FILIP1: variants seen among roughly 807,000 people sequenced by gnomAD.
The protein encoded by FILIP1 is filamin A interacting protein 1.
A neutral mutation model predicts 102.1 loss-of-function variants in FILIP1; 61 were observed. That is an observed-to-expected ratio of 0.60 (90% confidence interval 0.49 to 0.74). The LOEUF is 0.74. Among genes scored for constraint, FILIP1 ranks in the 30% least tolerant of loss-of-function variants. FILIP1 has a pLI of 0.00. For missense variants in FILIP1, 1,314 were observed against 1,441.2 expected (o/e 0.91, Z 1.43); for synonymous variants, 491 against 526.9 (o/e 0.93, Z 0.93).
intron 1 of FILIP1, among the ~76,000 whole-genome samples, chr6:75,427,418 T>C (rs532668184): frequency 6.6e-6 from 1 of 152,286 alleles, no homozygotes; most frequent in East Asian, 1.9e-4. Context: ...AAAGAAATTT[T>C]CCTTTAAGTC....
chr6:75,456,825 TG>T (rs1035802299), intron 1 of FILIP1, among the ~76,000 whole-genome samples: 3 of 152,330 alleles, frequency 2.0e-5, no homozygotes, highest in Admixed American at 2.0e-4. Context: ...CCCAAAGTGT[TG>T]GGATTACAGG....
At chr6:75,353,418 C>A (rs1774877020) in intron 4 of FILIP1, 121 bp downstream of exon 4, 3 of 981,724 alleles carry the variant, frequency 3.1e-6, no homozygotes, top group Non-Finnish European at 4.6e-6. Flanking sequence ...CAAAAATTGA[C>A]ATTAGACCCT....
At chr6:75,386,496 A>T (rs1216005507) in intron 2 of FILIP1, 1 of 152,172 alleles carries the variant, frequency 6.6e-6, no homozygotes, top group Non-Finnish European at 1.5e-5. Flanking sequence ...GCAAGATACC[A>T]TGGAGCTGCA....
At chr6:75,457,453 C>T (rs763155221) in intron 1 of FILIP1, among the ~76,000 whole-genome samples, 1 of 152,174 alleles carries the variant, frequency 6.6e-6, no homozygotes, top group Non-Finnish European at 1.5e-5. Context: ...GTCCTGAAAT[C>T]AGGCCAGGGT....
intron 4 of FILIP1, among the ~76,000 whole-genome samples, chr6:75,338,965 G>A (rs78980779): frequency 4.6e-5 from 7 of 151,750 alleles, no homozygotes; most frequent in South Asian, 2.1e-4. Flanking sequence ...TTCAGTTCAT[G>A]AAAAAAAATC....
At chr6:75,353,167 G>GT (rs1452169413) in intron 4 of FILIP1, among the ~76,000 whole-genome samples, 9 of 151,364 alleles carry the variant, frequency 5.9e-5, no homozygotes, top group South Asian at 2.1e-4. Flanking sequence ...TAACAAACCT[G>GT]CACGTTGTGC....
intron 1 of FILIP1, among the ~76,000 whole-genome samples, chr6:75,458,514 G>A (rs1200498331): frequency 1.3e-5 from 2 of 152,098 alleles, no homozygotes; most frequent in African/African-American, 4.8e-5. Context: ...TTTCTGTGTG[G>A]CTCAGAAATG....
intron 2 of FILIP1, among the ~76,000 whole-genome samples, chr6:75,394,629 C>T (rs530729960): frequency 6.6e-6 from 1 of 152,166 alleles, no homozygotes; most frequent in Non-Finnish European, 1.5e-5. Flanking sequence ...AAGATAAGAA[C>T]AGACTAATCA....
intron 1 of FILIP1, among the ~76,000 whole-genome samples, chr6:75,462,574 A>G (rs1390058225): frequency 6.6e-6 from 1 of 152,114 alleles, no homozygotes; most frequent in African/African-American, 2.4e-5. Context: ...TAAATCTCAT[A>G]TATGTGTGTG....
chr6:75,342,888 TACTGGTC>T (rs1774460006), intron 4 of FILIP1, among the ~76,000 whole-genome samples: 1 of 152,214 alleles, frequency 6.6e-6, no homozygotes, highest in Non-Finnish European at 1.5e-5. Context: ...TGACTAAACA[TACTGGTC>T]ACCATTTTTA....
intron 1 of FILIP1, among the ~76,000 whole-genome samples, chr6:75,468,172 C>T (rs1343805676): frequency 6.6e-6 from 1 of 152,184 alleles, no homozygotes; most frequent in African/African-American, 2.4e-5. Context: ...ATACAAGTTC[C>T]AGCAGCAAAT....
At chr6:75,462,035 G>A (rs1368716393) in intron 1 of FILIP1, among the ~76,000 whole-genome samples, 1 of 152,170 alleles carries the variant, frequency 6.6e-6, no homozygotes, top group Admixed American at 6.5e-5. Context: ...TTCTTCAGCA[G>A]TGTGTCTTCA....
intron 2 of FILIP1, among the ~76,000 whole-genome samples, chr6:75,390,363 G>A (rs985761800): frequency 6.6e-6 from 1 of 151,996 alleles, no homozygotes; most frequent in African/African-American, 2.4e-5. Flanking sequence ...GTCCATTCTT[G>A]CATTTCTATT....
intron 1 of FILIP1, among the ~76,000 whole-genome samples, chr6:75,425,086 A>G (rs1286740043): frequency 1.3e-5 from 2 of 152,204 alleles, no homozygotes; most frequent in Non-Finnish European, 2.9e-5. Context: ...CAAAGCATAT[A>G]CAGCCTAAAT....
chr6:75,350,365 A>G (rs1418701146), intron 4 of FILIP1, among the ~76,000 whole-genome samples: 1 of 151,906 alleles, frequency 6.6e-6, no homozygotes, highest in Non-Finnish European at 1.5e-5. Context: ...TGCTGATGAA[A>G]GTATCAAAAG....
At chr6:75,485,862 A>T (rs1222055077) in intron 1 of FILIP1, among the ~76,000 whole-genome samples, 2 of 152,038 alleles carry the variant, frequency 1.3e-5, no homozygotes, top group Admixed American at 6.6e-5. Context: ...AAGGAACATC[A>T]TGCTGCCAGA....
chr6:75,372,683 A>AAG lies in FILIP1; in HGVS notation c.277-9768_277-9767dup, dbSNP rs1554204863. On this transcript the variant is annotated intron_variant, in intron 2 of 5. Coordinates refer to ENST00000237172, the MANE Select transcript of FILIP1 (RefSeq NM_015687.5). ...AAAGAAAGAAAGAAAGAAAGAAAGA[A>AAG]AGAGAAAGAAAGAGAAAGAAAGAAA... is the stretch of plus-strand genomic sequence containing the variant. Among the ~76,000 whole-genome samples, 8 of 48,214 alleles carry AAG rather than the reference A, an allele frequency of 1.7e-4. 1 individual carries two copies. The highest frequency in any genetic ancestry group is 8.5e-4 in the African/African-American group (7 of 8,194). The allele number at this position is 48,214 out of a possible 152,430, so 31.6% of individuals were successfully genotyped here.
At chr6:75,476,747 C>T (rs1308692800) in intron 1 of FILIP1, among the ~76,000 whole-genome samples, 3 of 152,300 alleles carry the variant, frequency 2.0e-5, no homozygotes, top group South Asian at 2.1e-4. Flanking sequence ...CTTGTACTTA[C>T]ACCATGTTCT....
At chr6:75,354,585 A>G (rs1272873270) in intron 3 of FILIP1, among the ~76,000 whole-genome samples, 2 of 152,076 alleles carry the variant, frequency 1.3e-5, no homozygotes, top group Admixed American at 1.3e-4. Flanking sequence ...AAAAAAAAAA[A>G]AAAAACCTTT....
Sources: gnomAD v4.1 joint callset for allele counts (sites outside exome capture counted in the v4.1 genomes callset) on GRCh38, gnomAD v4.1.1 for gene constraint, MANE v1.5 for transcripts, NCBI Gene and HGNC (gene_info 2026-07-23, HGNC 2026-07-21) for gene names.